The following ZSWIM6 variants were observed in gnomAD, a reference collection of about 807,000 sequenced individuals.
ZSWIM6 encodes zinc finger SWIM domain-containing protein 6.
In ZSWIM6, 9 loss-of-function variants were observed where a neutral mutation model predicts 113.2. The observed-to-expected ratio is 0.08, with a 90% confidence interval of 0.05 to 0.14. The LOEUF is 0.14. Ranked by LOEUF, ZSWIM6 falls within the 10% of genes least tolerant of loss-of-function variation. The pLI is 1.00. For synonymous variants in ZSWIM6, 611 were observed against 606.5 expected (o/e 1.01, Z -0.11); for missense variants, 1,162 against 1,552.2 (o/e 0.75, Z 4.22).
intron 1 of ZSWIM6, among the ~76,000 whole-genome samples, chr5:61,343,771 G>A (rs757301259): frequency 6.6e-6 from 1 of 151,926 alleles, no homozygotes; most frequent in Non-Finnish European, 1.5e-5. Context: ...TATCATGTTT[G>A]TAATCTAGTT....
At chr5:61,393,768 A>G (rs1745780878) in intron 1 of ZSWIM6, among the ~76,000 whole-genome samples, 1 of 151,736 alleles carries the variant, frequency 6.6e-6, no homozygotes, top group Non-Finnish European at 1.5e-5. Context: ...TTTAGACGGA[A>G]TGTACTGTGC....
At chr5:61,335,265 G>A (rs1170597692) in intron 1 of ZSWIM6, among the ~76,000 whole-genome samples, 1 of 152,272 alleles carries the variant, frequency 6.6e-6, no homozygotes, top group African/African-American at 2.4e-5. Context: ...AAACACATAC[G>A]TGCTAAACAA....
intron 1 of ZSWIM6, among the ~76,000 whole-genome samples, chr5:61,469,037 G>T (rs189445128): frequency 6.6e-6 from 1 of 152,294 alleles, no homozygotes; most frequent in African/African-American, 2.4e-5. Flanking sequence ...AAACGAATAG[G>T]CCTCAGAGCA....
chr5:61,333,009 G>A (rs1186677424), intron 1 of ZSWIM6, 61 bp downstream of exon 1: 16 of 439,866 alleles, frequency 3.6e-5, no homozygotes, highest in Non-Finnish European at 4.5e-5. Context: ...TGGGGGGGGG[G>A]TGCCCGCCTT....
At chr5:61,515,310 T>C (rs1469790375) in intron 4 of ZSWIM6, among the ~76,000 whole-genome samples, 1 of 152,108 alleles carries the variant, frequency 6.6e-6, no homozygotes, top group Non-Finnish European at 1.5e-5. Flanking sequence ...TTTTTGTATT[T>C]TTAGTTGAGA....
intron 1 of ZSWIM6, among the ~76,000 whole-genome samples, chr5:61,453,181 TTTTC>T (rs1747120775): frequency 6.6e-6 from 1 of 152,170 alleles, no homozygotes; most frequent in African/African-American, 2.4e-5. Flanking sequence ...TTCCATGCTT[TTTTC>T]TTTTTCCTTT....
At chr5:61,443,334 A>G (rs1746877244) in intron 1 of ZSWIM6, among the ~76,000 whole-genome samples, 1 of 152,212 alleles carries the variant, frequency 6.6e-6, no homozygotes, top group African/African-American at 2.4e-5. Context: ...CTAAATGAAG[A>G]CATACCAGAA....
chr5:61,389,278 G>T (rs969887319), intron 1 of ZSWIM6, among the ~76,000 whole-genome samples: 2 of 152,038 alleles, frequency 1.3e-5, no homozygotes, highest in African/African-American at 4.8e-5. Flanking sequence ...CAGCTTGGCC[G>T]GGCGCGGTAG....
intron 1 of ZSWIM6, among the ~76,000 whole-genome samples, chr5:61,339,190 T>A (rs999678131): frequency 1.3e-5 from 2 of 152,214 alleles, no homozygotes; most frequent in Non-Finnish European, 2.9e-5. Flanking sequence ...GAGTTGTCCC[T>A]TTGAAAAATC....
intron 1 of ZSWIM6, among the ~76,000 whole-genome samples, chr5:61,339,018 CAATT>C (rs559185666): frequency 5.2e-4 from 79 of 152,210 alleles, no homozygotes; most frequent in African/African-American, 1.9e-3. Context: ...AATGGATAAT[CAATT>C]GCTGTCTCAA....
intron 1 of ZSWIM6, among the ~76,000 whole-genome samples, chr5:61,335,968 A>G (rs1744383141): frequency 2.0e-5 from 3 of 152,204 alleles, no homozygotes; most frequent in Admixed American, 2.0e-4. Context: ...TATTTTTGTT[A>G]AGTAATTTAT....
At chr5:61,348,558 G>A (rs146939146) in intron 1 of ZSWIM6, among the ~76,000 whole-genome samples, 9 of 152,238 alleles carry the variant, frequency 5.9e-5, no homozygotes, top group South Asian at 2.1e-4. Flanking sequence ...TTTTAGGGTC[G>A]TTTCAGGGAT....
intron 1 of ZSWIM6, among the ~76,000 whole-genome samples, chr5:61,417,145 GA>G (rs1017195415): frequency 6.0e-5 from 9 of 148,958 alleles, no homozygotes; most frequent in East Asian, 1.9e-4. Context: ...CCGTCTCGAA[GA>G]AAAAAAAAAT....
chr5:61,502,226 G>A (rs1176370029), intron 4 of ZSWIM6, among the ~76,000 whole-genome samples: 2 of 152,196 alleles, frequency 1.3e-5, no homozygotes, highest in Non-Finnish European at 2.9e-5. Flanking sequence ...AAGGAAAGAA[G>A]TGGAAGCAAA....
chr5:61,476,869 A>G (rs890638158), intron 2 of ZSWIM6, among the ~76,000 whole-genome samples: 8 of 152,320 alleles, frequency 5.3e-5, no homozygotes, highest in African/African-American at 1.9e-4. Context: ...TCTCCACTAC[A>G]TATTACCTGT....
At chr5:61,423,980 T>G (rs1192165032) in intron 1 of ZSWIM6, among the ~76,000 whole-genome samples, 2 of 152,200 alleles carry the variant, frequency 1.3e-5, no homozygotes, top group African/African-American at 4.8e-5. Flanking sequence ...TAAATTCCTG[T>G]GCCTGTGTTA....
At chr5:61,440,799 G>A (rs1311851300) in intron 1 of ZSWIM6, among the ~76,000 whole-genome samples, 1 of 152,164 alleles carries the variant, frequency 6.6e-6, no homozygotes, top group African/African-American at 2.4e-5. Flanking sequence ...TTTAATGCGT[G>A]CCAGCCATGT....
intron 4 of ZSWIM6, among the ~76,000 whole-genome samples, chr5:61,512,629 T>G (rs1748820044): frequency 6.6e-6 from 1 of 152,160 alleles, no homozygotes; most frequent in South Asian, 2.1e-4. Flanking sequence ...TGCCTGCAGT[T>G]GCTGTCAGGT....
At chr5:61,423,850 C>T (rs998720360) in intron 1 of ZSWIM6, among the ~76,000 whole-genome samples, 6 of 152,188 alleles carry the variant, frequency 3.9e-5, no homozygotes, top group Non-Finnish European at 7.3e-5. Context: ...CTTCCCCCCA[C>T]TCCCCATGCA....
Sources: gnomAD v4.1 joint callset for allele counts (sites outside exome capture counted in the v4.1 genomes callset) on GRCh38, gnomAD v4.1.1 for gene constraint, MANE v1.5 for transcripts, NCBI Gene and HGNC (gene_info 2026-07-23, HGNC 2026-07-21) for gene names.